Variants in SLC35F3 observed in about 807,000 individuals in gnomAD.
SLC35F3 encodes putative thiamine transporter SLC35F3.
Under a neutral mutation model 49.9 loss-of-function variants are expected in SLC35F3, and 25 were observed. The ratio of observed to expected loss-of-function variants is 0.50; its 90% CI spans 0.37 to 0.70. The LOEUF is 0.70. Among genes scored for constraint, SLC35F3 ranks in the 30% least tolerant of loss-of-function variants. The pLI is 0.00. For synonymous variants in SLC35F3, 275 were observed against 265.4 expected (o/e 1.04, Z -0.35); for missense variants, 525 against 639.8 (o/e 0.82, Z 1.94).
At chr1:234,147,847 C>T (rs1025237360) in intron 2 of SLC35F3, among the ~76,000 whole-genome samples, 6 of 152,228 alleles carry the variant, frequency 3.9e-5, no homozygotes, top group Admixed American at 3.3e-4. Flanking sequence ...GTTCCACCCC[C>T]AGAGTCTCTT....
intron 2 of SLC35F3, among the ~76,000 whole-genome samples, chr1:234,113,691 C>T (rs1357522485): frequency 6.6e-6 from 1 of 151,960 alleles, no homozygotes; most frequent in Admixed American, 6.6e-5. Flanking sequence ...TGATGAAACC[C>T]GTCTCCACTA....
At chr1:233,909,756 T>G (rs1235279176) in intron 2 of SLC35F3, among the ~76,000 whole-genome samples, 2 of 152,198 alleles carry the variant, frequency 1.3e-5, no homozygotes, top group South Asian at 2.1e-4. Context: ...TAGATGTCAG[T>G]AGCTTACCAC....
At chr1:234,309,591 CGGGGACCCAGCCT>C (rs1558106601) in intron 4 of SLC35F3, among the ~76,000 whole-genome samples, 1 of 152,240 alleles carries the variant, frequency 6.6e-6, no homozygotes, top group Non-Finnish European at 1.5e-5. Context: ...GTGTGCCAGT[CGGGGACCCAGCCT>C]GGGAATGGCG....
At chr1:233,991,297 C>T (rs944758734) in intron 2 of SLC35F3, among the ~76,000 whole-genome samples, 4 of 152,148 alleles carry the variant, frequency 2.6e-5, no homozygotes, top group Non-Finnish European at 4.4e-5. Flanking sequence ...AATGCTTACC[C>T]TCTGTGCTGT....
At chr1:234,212,546 T>A (rs1391999829) in intron 2 of SLC35F3, 1 of 152,232 alleles carries the variant, frequency 6.6e-6, no homozygotes, top group Non-Finnish European at 1.5e-5. Flanking sequence ...GTCTGTGACC[T>A]GCGACATTAT....
intron 2 of SLC35F3, among the ~76,000 whole-genome samples, chr1:233,972,574 A>G (rs573430642): frequency 1.3e-5 from 2 of 152,280 alleles, no homozygotes; most frequent in South Asian, 4.2e-4. Context: ...TTGAGGAGCA[A>G]ATGGACCAAA....
Position 233,993,824 on chromosome 1 carries a change from C to T in SLC35F3, c.283+88066C>T, listed in dbSNP as rs537893129. The stretch of plus-strand genomic sequence containing the variant: ...CTCAGCTCAGCTAATACCTGGGGAA[C>T]GATTAATGGCTCTTCTCAAAACCAT... On this transcript the variant is annotated intron_variant, in intron 2 of 7. Coordinates refer to ENST00000366618, the MANE Select transcript of SLC35F3 (RefSeq NM_173508.4). Among the ~76,000 whole-genome samples, 14 of 152,140 alleles carry T rather than the reference C, an allele frequency of 9.2e-5. No individual in the cohort carries two copies. The South Asian group carries it at 2.1e-3, about 23-fold the overall frequency.
chr1:233,975,149 G>A (rs1389871110), intron 2 of SLC35F3, among the ~76,000 whole-genome samples: 1 of 152,258 alleles, frequency 6.6e-6, no homozygotes, highest in Non-Finnish European at 1.5e-5. Flanking sequence ...CTAGGAACCT[G>A]CATTTTAACA....
intron 2 of SLC35F3, among the ~76,000 whole-genome samples, chr1:234,053,473 T>G (rs1311419778): frequency 6.6e-6 from 1 of 152,174 alleles, no homozygotes; most frequent in Non-Finnish European, 1.5e-5. Flanking sequence ...CTTTTTTTGT[T>G]GTTTGTTTTC....
intron 2 of SLC35F3, among the ~76,000 whole-genome samples, chr1:234,114,669 A>G (rs1002079443): frequency 2.0e-5 from 3 of 152,230 alleles, no homozygotes; most frequent in Non-Finnish European, 4.4e-5. Flanking sequence ...AGCTCAGAAG[A>G]AGAAATTTTA....
At chr1:233,908,519 G>T (rs1209094343) in intron 2 of SLC35F3, among the ~76,000 whole-genome samples, 2 of 146,128 alleles carry the variant, frequency 1.4e-5, no homozygotes, top group East Asian at 2.1e-4. Flanking sequence ...CTAGACAAGA[G>T]AATTTTGTAA....
chr1:234,268,236 C>A (rs1470214579), intron 3 of SLC35F3, among the ~76,000 whole-genome samples: 1 of 152,180 alleles, frequency 6.6e-6, no homozygotes, highest in Non-Finnish European at 1.5e-5. Context: ...GCGGATCACT[C>A]GCGATTAGGA....
intron 2 of SLC35F3, among the ~76,000 whole-genome samples, chr1:233,951,178 A>G (rs1323001469): frequency 6.6e-6 from 1 of 151,412 alleles, no homozygotes; most frequent in African/African-American, 2.4e-5. Context: ...CCATGTAACA[A>G]TGTTTTGTTC....
intron 3 of SLC35F3, among the ~76,000 whole-genome samples, chr1:234,308,627 A>G (rs1452539637): frequency 1.4e-5 from 1 of 73,676 alleles, no homozygotes; most frequent in Non-Finnish European, 2.8e-5. Context: ...CACAACCCCC[A>G]CCCCCAGAGT....
chr1:234,085,951 C>G (rs1029387747), intron 2 of SLC35F3, among the ~76,000 whole-genome samples: 1 of 152,082 alleles, frequency 6.6e-6, no homozygotes, highest in Non-Finnish European at 1.5e-5. Context: ...AACTATATAC[C>G]CTGTCTTGTA....
intron 3 of SLC35F3, among the ~76,000 whole-genome samples, chr1:234,280,804 G>A (rs999380163): frequency 2.6e-5 from 4 of 152,180 alleles, no homozygotes; most frequent in African/African-American, 9.7e-5. Context: ...GGGAAACTGA[G>A]GCTCAGAGAG....
intron 3 of SLC35F3, among the ~76,000 whole-genome samples, chr1:234,276,976 G>T (rs904238321): frequency 6.6e-6 from 1 of 152,220 alleles, no homozygotes; most frequent in Non-Finnish European, 1.5e-5. Flanking sequence ...GCACCCAGGG[G>T]GAGTTTGGGG....
At chr1:234,294,725 T>C (rs1226519593) in intron 3 of SLC35F3, among the ~76,000 whole-genome samples, 3 of 152,206 alleles carry the variant, frequency 2.0e-5, no homozygotes, top group Non-Finnish European at 4.4e-5. Context: ...CACTTTTGGA[T>C]TGTGCACTAT....
At chr1:234,077,159 C>T (rs570079852) in intron 2 of SLC35F3, among the ~76,000 whole-genome samples, 19 of 151,468 alleles carry the variant, frequency 1.3e-4, no homozygotes, top group African/African-American at 4.1e-4. Context: ...CGCCCGCCAC[C>T]GCGCCCGGCT....
Sources: gnomAD v4.1 joint callset for allele counts (sites outside exome capture counted in the v4.1 genomes callset) on GRCh38, gnomAD v4.1.1 for gene constraint, MANE v1.5 for transcripts, NCBI Gene and HGNC (gene_info 2026-07-23, HGNC 2026-07-21) for gene names.